ADGRE3: variants seen among roughly 807,000 people sequenced by gnomAD.
ADGRE3 encodes EGF-like module receptor 3.
ADGRE3 carries 88 observed loss-of-function variants against 80.1 expected under a neutral mutation model. That is an observed-to-expected ratio of 1.10 (90% CI 0.93 to 1.31). The LOEUF (loss-of-function observed/expected upper bound fraction) is 1.31. Ranked by LOEUF, ADGRE3 falls within the 40% of genes most tolerant of loss-of-function variation. ADGRE3 has a pLI of 0.00. For synonymous variants in ADGRE3, 281 were observed against 294.8 expected (o/e 0.95, Z 0.48); for missense variants, 715 against 776.5 (o/e 0.92, Z 0.94).
chr19:14,651,853 C>A (rs113531228), intron 6 of ADGRE3, among the ~76,000 whole-genome samples: 114 of 152,134 alleles, frequency 7.5e-4, no homozygotes, highest in African/African-American at 2.7e-3. Flanking sequence ...ACCAGCCTGG[C>A]CAACATGGTG....
At chr19:14,622,389 A>G in intron 15 of ADGRE3, 1 of 401,890 alleles carries the variant, frequency 2.5e-6, no homozygotes, top group Non-Finnish European at 4.6e-6. Context: ...TATTGAAATC[A>G]AGCTTATTGG....
At position 14,638,330 on chromosome 19, in the gene ADGRE3, G is replaced by A. The variant is rs1971157506; in HGVS notation, c.1259C>T (p.Ser420Phe). The change falls in exon 11 of 16, where the codon TCC becomes TTC. Residue 420 changes from serine to phenylalanine, a missense_variant. Ser to Phe is a radical substitution (Grantham distance 155). Coordinates refer to ENST00000253673, the MANE Select transcript of ADGRE3 (RefSeq NM_032571.5). ...IDRTEPKVLCSIIAGALHYLY... is the reference protein window; with the variant it reads ...IDRTEPKVLCFIIAGALHYLY... ...ATAGTGCAAAGCACCGGCGATGATG[G>A]AGCACAGCACCTGGGGGAGGAGAAA... 2 of 1,613,844 alleles carry A rather than the reference G, an allele frequency of 1.2e-6. No individual in the cohort carries two copies. Among genetic ancestry groups the A allele is most frequent in the Non-Finnish European group, 1.7e-6 (2 of 1,179,864 alleles).
chr19:14,663,619 A>G, intron 2 of ADGRE3, 79 bp from the exon 3 acceptor site: 1 of 1,488,096 alleles, frequency 6.7e-7, no homozygotes, highest in Non-Finnish European at 9.1e-7. Context: ...CCTCTTGATC[A>G]CCTGAGGTCA....
downstream of ADGRE3, among the ~76,000 whole-genome samples, chr19:14,614,627 A>G (rs2075065183): frequency 6.6e-6 from 1 of 150,666 alleles, no homozygotes; most frequent in Non-Finnish European, 1.5e-5. Flanking sequence ...CCCAGGCTGG[A>G]GTGCAGTGGT....
In ADGRE3 at chr19:14,641,523, T is replaced by C; in HGVS notation, c.1144A>G (p.Lys382Glu). The C allele has an allele frequency of 6.2e-7, 1 of 1,613,780 alleles. No homozygotes were observed. The highest frequency in any genetic ancestry group is 8.5e-7 in the Non-Finnish European group (1 of 1,179,736). ...GAGGTGCTGGTGTTCCGGATGGCTT[T>C]ACACAGGAGAAAAGTGAGGGCCGCC... ...LLAALTFLLC[K>E]AIRNTSTSLH... Residue 382 changes from lysine to glutamate, a missense_variant, in exon 10 of 16, where the codon AAA (lysine) becomes GAA (glutamate). Lys to Glu is a moderately conservative substitution (Grantham distance 56, BLOSUM62 1). Coordinates refer to ENST00000253673, the MANE Select transcript of ADGRE3 (RefSeq NM_032571.5).
chr19:14,668,062 T>C (rs1483183081), intron 2 of ADGRE3, among the ~76,000 whole-genome samples: 1 of 152,096 alleles, frequency 6.6e-6, no homozygotes, highest in Non-Finnish European at 1.5e-5. Flanking sequence ...GAGACCAGCC[T>C]GGGTGTCATG....
intron 8 of ADGRE3, among the ~76,000 whole-genome samples, chr19:14,645,162 A>G (rs1971363143): frequency 6.6e-6 from 1 of 151,816 alleles, no homozygotes; most frequent in Non-Finnish European, 1.5e-5. Flanking sequence ...CCTTGCCCCA[A>G]CCATGGGAGG....
chr19:14,663,451 T>A lies in ADGRE3; in HGVS notation c.166A>T (p.Lys56Ter). 1 of 1,612,730 alleles carries A rather than the reference T, an allele frequency of 6.2e-7. No individual in the cohort carries two copies. The highest frequency in any genetic ancestry group is 8.5e-7 in the Non-Finnish European group (1 of 1,179,040). The change falls in exon 3 of 16, where the codon AAA becomes TAA. Residue 56 changes from lysine to a stop codon, truncating the protein, a stop_gained. Transcript: ENST00000253673. LOFTEE classifies it high-confidence loss of function. ...GTCTCCAAGGGGAATGTGAATAGTTTCTGCCCAGATCCAGAAGTATATCCA... is the reference window on the plus strand; with the variant it reads ...GTCTCCAAGGGGAATGTGAATAGTTACTGCCCAGATCCAGAAGTATATCCA... The part of the protein sequence containing the change: ...NHGYTSGSGQ[K>*]LFTFPLETCN...
the ADGRE3 span, among the ~76,000 whole-genome samples, chr19:14,602,328 C>T: frequency 6.6e-6 from 1 of 152,100 alleles, no homozygotes; most frequent in African/African-American, 2.4e-5. Flanking sequence ...CTCACTTTGT[C>T]ACCCAGGCTG....
At chr19:14,619,986 C>T (rs1256685272) in intron 15 of ADGRE3, among the ~76,000 whole-genome samples, 1 of 152,132 alleles carries the variant, frequency 6.6e-6, no homozygotes, top group Non-Finnish European at 1.5e-5. Flanking sequence ...TTCAAAGTTA[C>T]ATCTTCCTTC....
the ADGRE3 span, among the ~76,000 whole-genome samples, chr19:14,614,054 G>C: frequency 6.6e-6 from 1 of 152,062 alleles, no homozygotes; most frequent in Non-Finnish European, 1.5e-5. Context: ...GCATTTCACA[G>C]GCACGACCCC....
At chr19:14,653,047 C>T (rs1467724089) in intron 6 of ADGRE3, among the ~76,000 whole-genome samples, 2 of 151,318 alleles carry the variant, frequency 1.3e-5, no homozygotes, top group Admixed American at 6.6e-5. Context: ...CAGTGGCTTG[C>T]TCTCAGCTAA....
chr19:14,640,764 G>A (rs74976311), intron 10 of ADGRE3, among the ~76,000 whole-genome samples: 37 of 152,098 alleles, frequency 2.4e-4, no homozygotes, highest in African/African-American at 7.5e-4. Flanking sequence ...TCATGGGGGC[G>A]GTTTTCCCCA....
At chr19:14,633,793 T>C (rs1024773871) in intron 11 of ADGRE3, among the ~76,000 whole-genome samples, 1 of 149,540 alleles carries the variant, frequency 6.7e-6, no homozygotes, top group Non-Finnish European at 1.5e-5. Flanking sequence ...TTTTTTTTTT[T>C]TGAGACAGGG....
chr19:14,614,801 C>T (rs917438688), downstream of ADGRE3, among the ~76,000 whole-genome samples: 1 of 151,856 alleles, frequency 6.6e-6, no homozygotes, highest in Non-Finnish European at 1.5e-5. Context: ...GGTCTCAAAC[C>T]CCTGGCTTCA....
intron 9 of ADGRE3, among the ~76,000 whole-genome samples, chr19:14,642,305 A>G (rs1971276536): frequency 6.6e-6 from 1 of 152,186 alleles, no homozygotes; most frequent in Admixed American, 6.5e-5. Flanking sequence ...GGAGGCCAGG[A>G]GTTCAAGACC....
chr19:14,611,865 G>T, the ADGRE3 span, among the ~76,000 whole-genome samples: 2 of 152,024 alleles, frequency 1.3e-5, no homozygotes, highest in Non-Finnish European at 2.9e-5. Context: ...TTAGCTGGGC[G>T]TGGTGGCATG....
At chr19:14,611,371 C>CTTTTTTTTTTTTT in the ADGRE3 span, among the ~76,000 whole-genome samples, 1 of 75,972 alleles carries the variant, frequency 1.3e-5, no homozygotes, top group African/African-American at 4.9e-5. Flanking sequence ...AACTTCTATC[C>CTTTTTTTTTTTTT]TTTTTTTTTT....
chr19:14,661,878 C>T, intron 4 of ADGRE3, 85 bp downstream of exon 4: 1 of 1,456,738 alleles, frequency 6.9e-7, no homozygotes, highest in Non-Finnish European at 9.5e-7. Context: ...GAGCGAGACT[C>T]TGTCTCAAAA....
Sources: gnomAD v4.1 joint callset for allele counts (sites outside exome capture counted in the v4.1 genomes callset) on GRCh38, gnomAD v4.1.1 for gene constraint, MANE v1.5 for transcripts, NCBI Gene and HGNC (gene_info 2026-07-23, HGNC 2026-07-21) for gene names.